MACROD2: variants seen among roughly 807,000 people sequenced by gnomAD.
MACROD2 encodes mono-ADP ribosylhydrolase 2, also known as ADP-ribose glycohydrolase MACROD2.
MACROD2 carries 36 observed loss-of-function variants against 70.4 expected under a neutral mutation model. The ratio of observed to expected loss-of-function variants is 0.51; its 90% CI spans 0.39 to 0.68. The LOEUF is 0.68. Ranked by LOEUF, MACROD2 falls within the 30% of genes least tolerant of loss-of-function variation. The pLI, the probability that MACROD2 is intolerant of heterozygous loss-of-function variation, is 0.00. For missense variants in MACROD2, 496 were observed against 538.4 expected, an observed-to-expected ratio of 0.92 and a Z score of 0.78; for synonymous variants, 172 against 178.8, an observed-to-expected ratio of 0.96 and a Z score of 0.30.
At position 14,064,172 on chromosome 20, in the gene MACROD2, C is replaced by T. The variant is rs904288192; in HGVS notation, c.164-21449C>T. Among the ~76,000 whole-genome samples, 6 of 152,068 alleles carry T rather than the reference C, an allele frequency of 3.9e-5. No homozygotes were observed. The South Asian group carries it at 1.2e-3, about 32-fold the overall frequency. On this transcript the variant is annotated intron_variant, in intron 2 of 17. Coordinates refer to ENST00000684519, the MANE Select transcript of MACROD2 (RefSeq NM_001351661.2). ...GGCTTCTGCTGGTTTCTCTTCTGTC[C>T]CTCTAAGTATTTGTTCACTGTGTCT... is the stretch of plus-strand genomic sequence containing the variant.
chr20:14,061,700 C>T (rs1255173996), intron 2 of MACROD2, among the ~76,000 whole-genome samples: 4 of 152,084 alleles, frequency 2.6e-5, no homozygotes, highest in African/African-American at 7.2e-5. Flanking sequence ...TGGAATTTAG[C>T]ATTACCAGCA....
At chr20:14,556,322 A>C (rs1979028220) in intron 4 of MACROD2, among the ~76,000 whole-genome samples, 3 of 152,060 alleles carry the variant, frequency 2.0e-5, no homozygotes, top group Non-Finnish European at 4.4e-5. Flanking sequence ...TCAAAGATCA[A>C]AAGAAGAGGG....
At chr20:14,399,608 C>G (rs1038645492) in intron 3 of MACROD2, among the ~76,000 whole-genome samples, 6 of 152,230 alleles carry the variant, frequency 3.9e-5, no homozygotes, top group Admixed American at 2.0e-4. Context: ...CCATAGTTGT[C>G]ATGAAATTTG....
intron 10 of MACROD2, among the ~76,000 whole-genome samples, chr20:15,892,160 G>T (rs2147222076): frequency 6.6e-6 from 1 of 152,308 alleles, no homozygotes; most frequent in East Asian, 1.9e-4. Context: ...GGTGGTGAAG[G>T]TGGAGAGTGG....
At chr20:15,997,183 TG>T (rs1347172124) in intron 15 of MACROD2, among the ~76,000 whole-genome samples, 5 of 152,180 alleles carry the variant, frequency 3.3e-5, no homozygotes, top group Admixed American at 2.0e-4. Context: ...TTTGACTATT[TG>T]GGATATTTTG....
intron 5 of MACROD2, among the ~76,000 whole-genome samples, chr20:14,923,063 C>G (rs2074183005): frequency 6.6e-6 from 1 of 152,160 alleles, no homozygotes; most frequent in Non-Finnish European, 1.5e-5. Context: ...GTGCATCATT[C>G]TCAATTGCCA....
intron 15 of MACROD2, among the ~76,000 whole-genome samples, chr20:16,003,912 G>T (rs2147511151): frequency 6.6e-6 from 1 of 152,230 alleles, no homozygotes; most frequent in East Asian, 1.9e-4. Flanking sequence ...CTCCTGGTCT[G>T]CCCGCCTCGG....
At position 15,248,855 on chromosome 20, in the gene MACROD2, T is replaced by A. The variant is rs79724824; in HGVS notation, c.540+18794T>A. Among the ~76,000 whole-genome samples, 1,082 of 152,280 alleles carry A rather than the reference T, an allele frequency of 7.1e-3. 23 individuals are homozygous for A. The highest frequency in any genetic ancestry group is 0.024 in the African/African-American group (1,007 of 41,546). On this transcript the variant is annotated intron_variant, in intron 6 of 17. Transcript: ENST00000684519. ...CTCCCCCACAAGAACTCTCATATCC[T>A]TTGTCTTAGTTTCTGTTCTCTCTGA... is the stretch of plus-strand genomic sequence containing the variant.
intron 5 of MACROD2, among the ~76,000 whole-genome samples, chr20:15,206,721 G>GTTGTTTTTTT (rs2076707122): frequency 3.0e-5 from 1 of 33,000 alleles, no homozygotes; most frequent in African/African-American, 1.5e-4. Flanking sequence ...TATTATCTAT[G>GTTGTTTTTTT]TTTTTTTTTT....
At chr20:14,292,257 G>A (rs140713024) in intron 3 of MACROD2, among the ~76,000 whole-genome samples, 6 of 152,012 alleles carry the variant, frequency 3.9e-5, no homozygotes, top group Non-Finnish European at 5.9e-5. Flanking sequence ...GTAAAGGGCA[G>A]TGGTTCTCAC....
At chr20:15,949,342 A>G (rs2065873173) in intron 12 of MACROD2, among the ~76,000 whole-genome samples, 1 of 152,200 alleles carries the variant, frequency 6.6e-6, no homozygotes, top group Non-Finnish European at 1.5e-5. Flanking sequence ...TAACTACCCC[A>G]GGTGGCACAG....
chr20:15,228,487 CT>C (rs527508760), intron 5 of MACROD2, among the ~76,000 whole-genome samples: 2,271 of 117,898 alleles, frequency 0.019, 10 homozygotes, highest in Non-Finnish European at 0.025. Context: ...TTCCTTCTTT[CT>C]TTTTTTTTTT....
chr20:15,809,861 C>CTTTTT lies in MACROD2; in HGVS notation c.646-52873_646-52869dup, dbSNP rs56350068. 3.1e-3 allele frequency among the ~76,000 whole-genome samples: 446 copies of CTTTTT among 141,980 alleles called. 5 individuals are homozygous for CTTTTT. The highest frequency in any genetic ancestry group is 0.011 in the African/African-American group (405 of 38,410). The allele number at this position is 141,980 out of a possible 152,430, so 93.1% of individuals were successfully genotyped here. ...GAGTTGCCTTCTCTGGCCACCCTAT[C>CTTTTT]TTTTTTTTTTTTTTTATTATACTTT... On this transcript the variant is annotated intron_variant, in intron 8 of 17. Coordinates refer to ENST00000684519, the MANE Select transcript of MACROD2 (RefSeq NM_001351661.2).
chr20:14,278,083 A>G (rs565094965), intron 3 of MACROD2, among the ~76,000 whole-genome samples: 4 of 152,340 alleles, frequency 2.6e-5, no homozygotes, highest in East Asian at 3.9e-4. Context: ...AGATCATTCA[A>G]TCAGAATTAG....
chr20:15,944,444 A>G (rs1364693588), intron 12 of MACROD2, among the ~76,000 whole-genome samples: 1 of 90,952 alleles, frequency 1.1e-5, no homozygotes, highest in African/African-American at 2.8e-5. Context: ...GCAATGCATA[A>G]AAGTTTGAAC....
intron 8 of MACROD2, among the ~76,000 whole-genome samples, chr20:15,569,598 G>T (rs1236345216): frequency 2.0e-5 from 3 of 152,164 alleles, no homozygotes; most frequent in South Asian, 4.1e-4. Flanking sequence ...GCTGCGATGA[G>T]ATCAGATTTT....
chr20:14,588,619 T>C (rs1981546253), intron 4 of MACROD2, among the ~76,000 whole-genome samples: 1 of 152,120 alleles, frequency 6.6e-6, no homozygotes, highest in East Asian at 1.9e-4. Context: ...AGCACTTCCC[T>C]GCCTCAGCCT....
intron 3 of MACROD2, among the ~76,000 whole-genome samples, chr20:14,197,936 T>C (rs910229503): frequency 6.6e-5 from 10 of 152,170 alleles, no homozygotes; most frequent in African/African-American, 2.4e-4. Flanking sequence ...ATCAAATGGG[T>C]ATGATTTTAG....
At chr20:14,514,118 C>T (rs1217488205) in intron 4 of MACROD2, among the ~76,000 whole-genome samples, 1 of 152,034 alleles carries the variant, frequency 6.6e-6, no homozygotes, top group African/African-American at 2.4e-5. Context: ...AAATTTCTAG[C>T]CTCATTACAC....
Sources: allele counts gnomAD v4.1 joint callset (sites outside exome capture counted in the v4.1 genomes callset), GRCh38; gene constraint gnomAD v4.1.1; transcripts MANE v1.5; gene names NCBI Gene and HGNC (gene_info 2026-07-23, HGNC 2026-07-21).